The following NRXN1 variants were observed in gnomAD, a reference collection of about 807,000 sequenced individuals.
NRXN1 encodes neurexin-1.
NRXN1 carries 39 observed loss-of-function variants against 150.9 expected under a neutral mutation model. The ratio of observed to expected loss-of-function variants is 0.26; its 90% CI spans 0.20 to 0.34. The LOEUF (loss-of-function observed/expected upper bound fraction) is 0.34, where lower values mean the gene tolerates loss of function less well. NRXN1 is among the 10% of genes least tolerant of loss of function. The pLI is 1.00. For missense variants in NRXN1, 1,815 were observed against 1,949.9 expected (o/e 0.93, Z 1.30); for synonymous variants, 924 against 757.0 (o/e 1.22, Z -3.62).
intron 17 of NRXN1, among the ~76,000 whole-genome samples, chr2:50,318,215 T>A (rs557276438): frequency 1.5e-4 from 23 of 152,212 alleles, no homozygotes; most frequent in African/African-American, 4.3e-4. Context: ...TGAAGACATG[T>A]ACAACATCAT....
chr2:50,224,705 G>C (rs201149654), intron 18 of NRXN1, among the ~76,000 whole-genome samples: 1 of 95,676 alleles, frequency 1.0e-5, no homozygotes, highest in Non-Finnish European at 2.0e-5. Context: ...GAGAGAGAGA[G>C]AGAGAGAGAG....
intron 18 of NRXN1, among the ~76,000 whole-genome samples, chr2:50,120,485 T>C (rs1045787192): frequency 1.7e-4 from 26 of 152,342 alleles, no homozygotes; most frequent in African/African-American, 6.0e-4. Flanking sequence ...TGTAACTTCA[T>C]CTTCAAAACT....
At chr2:50,596,546 G>C (rs1470241607) in intron 8 of NRXN1, among the ~76,000 whole-genome samples, 1 of 152,200 alleles carries the variant, frequency 6.6e-6, no homozygotes, top group Non-Finnish European at 1.5e-5. Flanking sequence ...TCTAATTCCA[G>C]ATCTCTGACT....
chr2:50,418,638 C>T (rs2083734787), intron 17 of NRXN1, among the ~76,000 whole-genome samples: 2 of 151,974 alleles, frequency 1.3e-5, no homozygotes, highest in African/African-American at 2.4e-5. Context: ...TTTAAAAAGG[C>T]ATACCCTTGT....
intron 17 of NRXN1, among the ~76,000 whole-genome samples, chr2:50,313,766 C>T (rs917040353): frequency 6.6e-6 from 1 of 152,016 alleles, no homozygotes; most frequent in African/African-American, 2.4e-5. Context: ...TATTTAGTGT[C>T]TTTAGGGAAG....
chr2:50,812,854 G>C (rs1055880265), intron 5 of NRXN1, among the ~76,000 whole-genome samples: 15 of 151,474 alleles, frequency 9.9e-5, no homozygotes, highest in African/African-American at 3.6e-4. Context: ...CACTGATCTA[G>C]TGAGTTTTTT....
In NRXN1 at chr2:50,670,162, G is replaced by C. The variant is rs924498892; in HGVS notation, c.833-46547C>G. Among the ~76,000 whole-genome samples, 3 of 151,740 alleles carry C rather than the reference G, an allele frequency of 2.0e-5. No homozygotes were observed. In the East Asian group the frequency reaches 5.8e-4, roughly 30 times the overall value. On this transcript the variant is annotated intron_variant, in intron 5 of 22. Transcript: ENST00000401669. ...ACTATGTATCTAATGAATAAATACA[G>C]GTCTTTTCTCACTCTGCTATATTCC...
At chr2:50,594,957 C>T (rs1386546869) in intron 8 of NRXN1, among the ~76,000 whole-genome samples, 2 of 150,836 alleles carry the variant, frequency 1.3e-5, no homozygotes, top group African/African-American at 4.9e-5. Flanking sequence ...CCTCTGAGCA[C>T]TGAGAGGAAT....
chr2:50,524,517 AAAT>A, intron 12 of NRXN1, among the ~76,000 whole-genome samples: 6 of 118,128 alleles, frequency 5.1e-5, no homozygotes, highest in Admixed American at 5.1e-4. Flanking sequence ...ATAAATAAAT[AAAT>A]AAAATAAAAT....
chr2:50,897,229 G>A (rs916792660), intron 5 of NRXN1, among the ~76,000 whole-genome samples: 9 of 152,298 alleles, frequency 5.9e-5, no homozygotes, highest in East Asian at 1.9e-4. Context: ...TAAGTACCAC[G>A]TAGGACTGGT....
chr2:50,401,404 A>C (rs2082382210), intron 17 of NRXN1, among the ~76,000 whole-genome samples: 1 of 152,124 alleles, frequency 6.6e-6, no homozygotes, highest in Admixed American at 6.6e-5. Flanking sequence ...CTGAAAGCAG[A>C]CATGTGTCCT....
intron 2 of NRXN1, among the ~76,000 whole-genome samples, chr2:51,000,543 C>CA (rs10717666): frequency 3.6e-4 from 55 of 151,122 alleles, no homozygotes; most frequent in Middle Eastern, 3.4e-3. Flanking sequence ...TTACTATTAC[C>CA]AAAAAAAACA....
chr2:50,906,495 G>A (rs1683690925), intron 5 of NRXN1, among the ~76,000 whole-genome samples: 2 of 152,112 alleles, frequency 1.3e-5, no homozygotes, highest in South Asian at 4.1e-4. Flanking sequence ...TAGGAAAATA[G>A]TGTAAGCTTC....
rs900347837 is a variant in NRXN1, at chr2:50,454,186, C to T, written c.3364+11256G>A. Among the ~76,000 whole-genome samples, 16 of 151,932 alleles carry T rather than the reference C, an allele frequency of 1.1e-4. 1 individual carries two copies. Among genetic ancestry groups the T allele is most frequent in the Non-Finnish European group, 2.9e-5 (2 of 67,976 alleles). On this transcript the variant is annotated intron_variant, in intron 17 of 22. Transcript: ENST00000401669. ...CCTAAAAATACAAAAAGCAGTGGGGCGTAGTGGCGCATGCCTGTAATCTCA... is the reference window on the plus strand; with the variant it reads ...CCTAAAAATACAAAAAGCAGTGGGGTGTAGTGGCGCATGCCTGTAATCTCA...
chr2:50,464,505 C>T (rs1339190854), intron 17 of NRXN1: 1 of 151,912 alleles, frequency 6.6e-6, no homozygotes, highest in Admixed American at 6.6e-5. Flanking sequence ...TCAAAATGAA[C>T]AAGCTCTACT....
chr2:50,562,623 G>C (rs1272668151), intron 8 of NRXN1, among the ~76,000 whole-genome samples: 1 of 152,058 alleles, frequency 6.6e-6, no homozygotes, highest in Admixed American at 6.6e-5. Context: ...GTTGTCTTCT[G>C]TTTAAGGTGA....
At chr2:50,730,590 G>C (rs1236111756) in intron 5 of NRXN1, among the ~76,000 whole-genome samples, 1 of 151,494 alleles carries the variant, frequency 6.6e-6, no homozygotes, top group African/African-American at 2.4e-5. Flanking sequence ...AATTTATTGT[G>C]ATGTAATGTA....
At chr2:50,960,947 C>G (rs1280102008) in intron 2 of NRXN1, among the ~76,000 whole-genome samples, 1 of 151,950 alleles carries the variant, frequency 6.6e-6, no homozygotes, top group Non-Finnish European at 1.5e-5. Flanking sequence ...AAGCAACTGT[C>G]TCTGTTAATC....
chr2:49,936,555 A>C (rs572524356), intron 22 of NRXN1, among the ~76,000 whole-genome samples: 74 of 152,298 alleles, frequency 4.9e-4, no homozygotes, highest in African/African-American at 1.7e-3. Flanking sequence ...CTGAGCATCA[A>C]AACTACTAAG....
Sources: gnomAD v4.1 joint callset for allele counts (sites outside exome capture counted in the v4.1 genomes callset) on GRCh38, gnomAD v4.1.1 for gene constraint, MANE v1.5 for transcripts, NCBI Gene and HGNC (gene_info 2026-07-23, HGNC 2026-07-21) for gene names.